Variants in SLC9A3 observed in about 807,000 individuals in gnomAD.
SLC9A3 encodes solute carrier family 9 member A3, also known as sodium/hydrogen exchanger 3.
Under a neutral mutation model 86.8 loss-of-function variants are expected in SLC9A3, and 37 were observed. The ratio of observed to expected loss-of-function variants is 0.43; its 90% CI spans 0.33 to 0.56. The LOEUF is 0.56. Among genes scored for constraint, SLC9A3 ranks in the 20% least tolerant of loss-of-function variants. SLC9A3 has a pLI of 0.06. For missense variants in SLC9A3, 1,011 were observed against 1,171.9 expected, an observed-to-expected ratio of 0.86 and a Z score of 2.00; for synonymous variants, 581 against 528.3, an observed-to-expected ratio of 1.10 and a Z score of -1.37.
chr5:475,245 G>C, intron 15 of SLC9A3, 113 bp from the exon 16 acceptor site: 1 of 1,084,444 alleles, frequency 9.2e-7, no homozygotes, highest in Non-Finnish European at 1.3e-6. Context: ...TCACCGGGAA[G>C]GTTAGGGTCA....
At chr5:489,141 G>T (rs1267173272) in intron 2 of SLC9A3, among the ~76,000 whole-genome samples, 3 of 152,124 alleles carry the variant, frequency 2.0e-5, no homozygotes, top group South Asian at 2.1e-4. Flanking sequence ...GAGGCCACGT[G>T]GGGGTGCCAG....
chr5:482,611 G>C lies in SLC9A3; in HGVS notation c.1293C>G (p.Val431=), dbSNP rs145752665. ...ALVVLLDGDK[V]KEKNLFVSTT... ...TGCTGACGAACAGGTTCTTCTCCTT[G>C]ACCTTGTCTCCATCCAGAAGCACCA... Residue 431 remains valine (V), a synonymous_variant, in exon 7 of 17, where the codon GTC becomes GTG. Transcript: ENST00000264938. 1.2e-6 allele frequency: 2 copies of C among 1,612,874 alleles called. No individual in the cohort carries two copies. The highest frequency in any genetic ancestry group is 2.2e-5 in the East Asian group (1 of 44,852).
At chr5:501,437 C>T (rs574401100) in intron 1 of SLC9A3, among the ~76,000 whole-genome samples, 24 of 152,318 alleles carry the variant, frequency 1.6e-4, no homozygotes, top group African/African-American at 5.5e-4. Context: ...CCTGGCTGAG[C>T]GGTGGGGCGG....
chr5:517,222 G>A (rs1044288654), intron 1 of SLC9A3, among the ~76,000 whole-genome samples: 4 of 139,640 alleles, frequency 2.9e-5, no homozygotes, highest in Non-Finnish European at 4.6e-5. Flanking sequence ...AACCATTCAC[G>A]CATCAGCCAT....
At chr5:512,001 C>A (rs907044005) in intron 1 of SLC9A3, among the ~76,000 whole-genome samples, 1 of 152,182 alleles carries the variant, frequency 6.6e-6, no homozygotes, top group Non-Finnish European at 1.5e-5. Flanking sequence ...TGAAAGAAGC[C>A]GCTTTGAGAA....
intron 1 of SLC9A3, among the ~76,000 whole-genome samples, chr5:510,572 C>T (rs1740832364): frequency 6.6e-6 from 1 of 152,214 alleles, no homozygotes; most frequent in African/African-American, 2.4e-5. Flanking sequence ...AAGATGAGGC[C>T]CATGGATGCA....
intron 1 of SLC9A3, among the ~76,000 whole-genome samples, chr5:510,236 A>G (rs999935161): frequency 3.3e-5 from 5 of 152,254 alleles, no homozygotes. Context: ...CTCCAGGCAA[A>G]GCCAGATGCT....
At chr5:479,584 G>A (rs1332772187) in intron 10 of SLC9A3, 2 of 482,172 alleles carry the variant, frequency 4.1e-6, no homozygotes, top group Non-Finnish European at 7.6e-6. Context: ...GGAGCTCGGG[G>A]TCCTAGGACC....
At chr5:513,444 G>A (rs1733633350) in intron 1 of SLC9A3, among the ~76,000 whole-genome samples, 1 of 152,172 alleles carries the variant, frequency 6.6e-6, no homozygotes, top group Non-Finnish European at 1.5e-5. Context: ...GAGCTCAAGT[G>A]CCCCCTAAAA....
intron 1 of SLC9A3, among the ~76,000 whole-genome samples, chr5:523,180 C>G (rs1274961082): frequency 6.6e-6 from 1 of 152,164 alleles, no homozygotes; most frequent in Non-Finnish European, 1.5e-5. Context: ...GGAAAAGGCG[C>G]CTTCTCCAAT....
At chr5:502,798 C>T (rs994589995) in intron 1 of SLC9A3, among the ~76,000 whole-genome samples, 10 of 151,644 alleles carry the variant, frequency 6.6e-5, no homozygotes, top group African/African-American at 1.5e-4. Flanking sequence ...CCAGTGAGGC[C>T]GAAAGCCGCT....
chr5:474,031 C>G (rs1046450308), intron 16 of SLC9A3, among the ~76,000 whole-genome samples: 4 of 152,236 alleles, frequency 2.6e-5, no homozygotes, highest in African/African-American at 9.6e-5. Flanking sequence ...TATCTCTGTC[C>G]GGGCTCCTGA....
chr5:474,119 G>A (rs1432236412), intron 16 of SLC9A3, among the ~76,000 whole-genome samples: 11 of 151,056 alleles, frequency 7.3e-5, no homozygotes, highest in African/African-American at 2.7e-4. Context: ...TCAGGTCCAG[G>A]GAGGAGAGAG....
In SLC9A3 at chr5:472,573, C is replaced by A. The variant is rs1252165413; in HGVS notation, c.*806G>T. The A allele has an allele frequency of 8.4e-6, 3 of 355,838 alleles. No individual in the cohort carries two copies. The highest frequency in any genetic ancestry group is 1.7e-5 in the Non-Finnish European group (3 of 178,062). 22.0% of individuals were successfully genotyped at this position (355,838 alleles called of 1,614,324 possible). On this transcript the variant is annotated 3_prime_UTR_variant, in exon 17 of 17. Transcript: ENST00000264938. ...GTGTCCGGGGCCGCCACCCTGAGAC[C>A]GGGCGCGGGCAGGACGGAACCTGGG...
intron 1 of SLC9A3, among the ~76,000 whole-genome samples, chr5:501,797 G>A (rs1487428693): frequency 6.6e-6 from 1 of 152,244 alleles, no homozygotes; most frequent in Non-Finnish European, 1.5e-5. Context: ...AGGTGCTCAC[G>A]GAGGTCCGCC....
Position 479,815 on chromosome 5 carries a change from C to T in SLC9A3, c.1647+21G>A, listed in dbSNP as rs200734387. ...AGAGCCTGCTGCAGCCCCGACCCGG[C>T]AGAGCAAGCGGCTCTGCTACCTCAG... On this transcript the variant is annotated intron_variant, in intron 10 of 16. Transcript: ENST00000264938. The T allele has an allele frequency of 9.1e-5, 147 of 1,611,982 alleles. 1 individual carries two copies. In the East Asian group the frequency reaches 3.2e-3, roughly 35 times the overall value.
intron 1 of SLC9A3, among the ~76,000 whole-genome samples, chr5:510,842 C>T (rs563436221): frequency 3.6e-4 from 55 of 152,336 alleles, no homozygotes; most frequent in African/African-American, 1.2e-3. Context: ...CAGCAGCACA[C>T]GCAGCTTTCT....
intron 14 of SLC9A3, 70 bp from the exon 15 acceptor site, chr5:475,741 T>TC (rs1738683613): frequency 1.1e-6 from 1 of 881,354 alleles, no homozygotes; most frequent in East Asian, 2.6e-5. Context: ...GTCAGCAGTG[T>TC]CCATCAGCTC....
rs1447529319 is a variant in SLC9A3, at chr5:496,956, G to A, written c.212-4885C>T. Reference sequence around the variant, plus strand: ...TGTAGTCCCAGCTACTCAGGAGGCCGAGGTGGGAGGATCACCTGAGCCTGG... The same window carrying A: ...TGTAGTCCCAGCTACTCAGGAGGCCAAGGTGGGAGGATCACCTGAGCCTGG... On this transcript the variant is annotated intron_variant, in intron 1 of 16. Coordinates refer to ENST00000264938, the MANE Select transcript of SLC9A3 (RefSeq NM_004174.4). The surrounding 1 kb of genome is among the most constrained non-coding windows in gnomAD (Gnocchi z 4.7). Among the ~76,000 whole-genome samples, 3 of 152,130 alleles carry A rather than the reference G, an allele frequency of 2.0e-5. No individual in the cohort carries two copies. Among genetic ancestry groups the A allele is most frequent in the African/African-American group, 7.2e-5 (3 of 41,406 alleles).
Sources: allele counts gnomAD v4.1 joint callset (sites outside exome capture counted in the v4.1 genomes callset), GRCh38; gene constraint gnomAD v4.1.1; non-coding constraint Gnocchi (gnomAD v3.1); transcripts MANE v1.5; gene names NCBI Gene and HGNC (gene_info 2026-07-23, HGNC 2026-07-21).